Variants in PTPRD observed in about 807,000 individuals in gnomAD.
PTPRD encodes the protein protein tyrosine phosphatase receptor type D, also known as receptor-type tyrosine-protein phosphatase delta.
A neutral mutation model predicts 214.5 loss-of-function variants in PTPRD; 34 were observed. The ratio of observed to expected loss-of-function variants is 0.16; its 90% CI spans 0.12 to 0.21. PTPRD has a LOEUF of 0.21. PTPRD is among the 10% of genes least tolerant of loss of function. The probability of loss-of-function intolerance (pLI) is 1.00; values close to 1 mark genes in which losing one functional copy is unlikely to be tolerated. For missense variants in PTPRD, 2,545 were observed against 2,398.7 expected (o/e 1.06, Z -1.27); for synonymous variants, 1,128 against 845.7 (o/e 1.33, Z -5.79).
chr9:8,686,954 T>C (rs2097692527), intron 12 of PTPRD, among the ~76,000 whole-genome samples: 1 of 152,184 alleles, frequency 6.6e-6, no homozygotes, highest in African/African-American at 2.4e-5. Context: ...ATGAAGCTAA[T>C]GTGTAAGATA....
intron 3 of PTPRD, among the ~76,000 whole-genome samples, chr9:10,067,978 A>T (rs1325577465): frequency 1.3e-5 from 2 of 151,788 alleles, no homozygotes; most frequent in African/African-American, 4.8e-5. Context: ...GTGCTAGCTG[A>T]CTCCAGCGCC....
At chr9:10,596,200 A>T (rs1420298173) in intron 2 of PTPRD, among the ~76,000 whole-genome samples, 1 of 151,802 alleles carries the variant, frequency 6.6e-6, no homozygotes, top group Non-Finnish European at 1.5e-5. Context: ...TCCAGTAAGC[A>T]CTGAAGCTGG....
chr9:8,456,241 C>G (rs1410518630), intron 33 of PTPRD, among the ~76,000 whole-genome samples: 4 of 152,072 alleles, frequency 2.6e-5, no homozygotes, highest in African/African-American at 9.7e-5. Flanking sequence ...GGGGCATTGA[C>G]AGTAACGCAG....
At chr9:10,398,428 T>A (rs1483410111) in intron 2 of PTPRD, among the ~76,000 whole-genome samples, 3 of 151,790 alleles carry the variant, frequency 2.0e-5, no homozygotes, top group African/African-American at 7.3e-5. Flanking sequence ...ACTGTATTCT[T>A]TTACTATAAC....
chr9:9,375,922 C>T (rs757216176), intron 9 of PTPRD, among the ~76,000 whole-genome samples: 1 of 152,012 alleles, frequency 6.6e-6, no homozygotes, highest in Non-Finnish European at 1.5e-5. Context: ...ACTTAAAAAT[C>T]GGTAAAATGG....
chr9:9,951,288 T>C (rs926957554), intron 4 of PTPRD, among the ~76,000 whole-genome samples: 1 of 152,180 alleles, frequency 6.6e-6, no homozygotes, highest in African/African-American at 2.4e-5. Context: ...AGGGCCTCAA[T>C]GGCAGTGTTT....
intron 5 of PTPRD, among the ~76,000 whole-genome samples, chr9:9,913,835 C>G (rs537638002): frequency 6.6e-6 from 1 of 152,266 alleles, no homozygotes; most frequent in African/African-American, 2.4e-5. Context: ...CACCTCCCAC[C>G]TCCCATTCCC....
chr9:9,528,922 C>G (rs2074803026), intron 8 of PTPRD, among the ~76,000 whole-genome samples: 1 of 147,578 alleles, frequency 6.8e-6, no homozygotes, highest in Non-Finnish European at 1.5e-5. Flanking sequence ...TTACCAGTTT[C>G]TTTCTTTGTT....
intron 11 of PTPRD, among the ~76,000 whole-genome samples, chr9:8,864,957 G>A (rs892730505): frequency 6.6e-6 from 1 of 152,188 alleles, no homozygotes; most frequent in African/African-American, 2.4e-5. Context: ...CTTTGTACAA[G>A]CTAGTATTTT....
At chr9:9,524,117 C>G (rs1209518464) in intron 8 of PTPRD, among the ~76,000 whole-genome samples, 1 of 152,012 alleles carries the variant, frequency 6.6e-6, no homozygotes, top group African/African-American at 2.4e-5. Context: ...GAGGAAAGAC[C>G]CAGCTTGAAA....
intron 3 of PTPRD, among the ~76,000 whole-genome samples, chr9:10,261,035 A>G (rs796871883): frequency 0.033 from 3,818 of 115,436 alleles, 165 homozygotes; most frequent in African/African-American, 0.1. Context: ...TATATTATAT[A>G]TGTGTATATA....
At chr9:8,536,485 C>G (rs1375987705) in intron 14 of PTPRD, among the ~76,000 whole-genome samples, 1 of 151,724 alleles carries the variant, frequency 6.6e-6, no homozygotes, top group Non-Finnish European at 1.5e-5. Flanking sequence ...ATGTTATAGG[C>G]TTCTCATTCC....
rs559387414 is a variant in PTPRD at position 8,327,492 on chromosome 9, A to C, written c.5534+4090T>G. On this transcript the variant is annotated intron_variant, in intron 44 of 45. Coordinates refer to ENST00000381196, the MANE Select transcript of PTPRD (RefSeq NM_002839.4). ...TTAGAATAAGTGCAATTTGGTGCTG[A>C]GAAGAATGTATAATTCTGTTGATTT... is the stretch of plus-strand genomic sequence containing the variant. 9.2e-5 allele frequency among the ~76,000 whole-genome samples: 14 copies of C among 152,310 alleles called. No homozygotes were observed. In the South Asian group the frequency reaches 2.9e-3, roughly 32 times the overall value.
Position 8,938,222 on chromosome 9 carries a change from G to A in PTPRD, c.-104+80475C>T, listed in dbSNP as rs539636148. Among the ~76,000 whole-genome samples the A allele has an allele frequency of 5.3e-5, 8 of 152,116 alleles. No individual in the cohort carries two copies. The South Asian group carries it at 1.7e-3, about 32-fold the overall frequency. On this transcript the variant is annotated intron_variant, in intron 11 of 45. Transcript: ENST00000381196. ...TATTAAAAGTGCATTATCTATAGGA[G>A]TTGGCAATTGATTGGATTTTAGGGG... is the stretch of plus-strand genomic sequence containing the variant.
intron 12 of PTPRD, among the ~76,000 whole-genome samples, chr9:8,685,732 A>G (rs1292115226): frequency 2.0e-5 from 3 of 152,232 alleles, no homozygotes; most frequent in Non-Finnish European, 4.4e-5. Context: ...CAGCCACAGA[A>G]GAGGTACAGG....
chr9:9,973,991 A>G (rs1219645695), intron 4 of PTPRD, among the ~76,000 whole-genome samples: 1 of 152,178 alleles, frequency 6.6e-6, no homozygotes, highest in South Asian at 2.1e-4. Context: ...ATGGTTCTGT[A>G]AATAGATTTG....
intron 11 of PTPRD, among the ~76,000 whole-genome samples, chr9:8,767,945 G>C (rs182816885): frequency 6.6e-6 from 1 of 152,316 alleles, no homozygotes; most frequent in African/African-American, 2.4e-5. Flanking sequence ...TTAGGATAAA[G>C]AGGAAGTTTT....
At chr9:9,504,501 A>G (rs1300816166) in intron 8 of PTPRD, among the ~76,000 whole-genome samples, 2 of 151,690 alleles carry the variant, frequency 1.3e-5, no homozygotes, top group Non-Finnish European at 3.0e-5. Flanking sequence ...AAAGAAACTC[A>G]CTTCAGCACA....
At chr9:8,506,617 TAAGA>T (rs1188416788) in intron 22 of PTPRD, among the ~76,000 whole-genome samples, 1 of 152,222 alleles carries the variant, frequency 6.6e-6, no homozygotes. Flanking sequence ...AATCGATTAA[TAAGA>T]AAGGCTAGCT....
Sources: allele counts gnomAD v4.1 joint callset (sites outside exome capture counted in the v4.1 genomes callset), GRCh38; gene constraint gnomAD v4.1.1; transcripts MANE v1.5; gene names NCBI Gene and HGNC (gene_info 2026-07-23, HGNC 2026-07-21).